Variants in RARG observed in about 807,000 individuals in gnomAD.
RARG encodes the protein RAR-gamma.
RARG carries 17 observed loss-of-function variants against 43.7 expected under a neutral mutation model. The ratio of observed to expected loss-of-function variants is 0.39; its 90% CI spans 0.27 to 0.58. The LOEUF (loss-of-function observed/expected upper bound fraction) is 0.58. Ranked by LOEUF, RARG falls within the 20% of genes least tolerant of loss-of-function variation. The probability of loss-of-function intolerance (pLI) is 0.57; values close to 1 mark genes in which losing one functional copy is unlikely to be tolerated. For missense variants in RARG, 346 were observed against 598.7 expected (o/e 0.58, Z 4.40); for synonymous variants, 238 against 236.4 (o/e 1.01, Z -0.06).
intron 3 of RARG, among the ~76,000 whole-genome samples, chr12:53,225,814 G>A (rs147280006): frequency 0.011 from 1,653 of 152,306 alleles, 17 homozygotes; most frequent in South Asian, 0.04. Flanking sequence ...CTTGGCTGCT[G>A]TCAGCACTCA....
At chr12:53,222,669 G>A (rs1032047697) in intron 3 of RARG, among the ~76,000 whole-genome samples, 1 of 152,126 alleles carries the variant, frequency 6.6e-6, no homozygotes, top group Non-Finnish European at 1.5e-5. Flanking sequence ...CCCAGGCATT[G>A]CATGGAGGGG....
chr12:53,219,047 G>A (rs921399334), intron 3 of RARG, among the ~76,000 whole-genome samples: 1 of 152,140 alleles, frequency 6.6e-6, no homozygotes, highest in Non-Finnish European at 1.5e-5. Context: ...CTCTGGAAAG[G>A]GGTTCCAGGG....
At chr12:53,212,399 T>C (rs929380025) in intron 9 of RARG, among the ~76,000 whole-genome samples, 15 of 152,202 alleles carry the variant, frequency 9.9e-5, no homozygotes, top group Non-Finnish European at 2.2e-4. Context: ...CTAAGTACAC[T>C]GTATATGTTA....
chr12:53,211,040 A>ATCCC lies in RARG; in HGVS notation c.*635_*636insGGGA, dbSNP rs1942574505. The ATCCC allele has an allele frequency of 2.0e-5, 3 of 152,556 alleles. No homozygotes were observed. Among genetic ancestry groups the ATCCC allele is most frequent in the Admixed American group, 6.6e-5 (1 of 15,254 alleles). 9.5% of individuals were successfully genotyped at this position (152,556 alleles called of 1,614,324 possible). A position where few individuals can be genotyped will look rare whatever the true frequency, so the allele number is the denominator to read the frequency against. The stretch of plus-strand genomic sequence containing the variant: ...GGCACATGACAGGGCTGGGGGAGGG[A>ATCCC]CTTATAACGGAGGGCACAGGGTGAA... On this transcript the variant is annotated 3_prime_UTR_variant, in exon 10 of 10. Coordinates refer to ENST00000425354, the MANE Select transcript of RARG (RefSeq NM_000966.6). This position sits in a 1 kb window ranked among gnomAD's most constrained non-coding sequence, Gnocchi z 4.6.
chr12:53,211,633 C>T lies in RARG; in HGVS notation c.*43G>A, dbSNP rs1245003329. ...GGTCTGGGAGATGGTCAGTCTGCTG[C>T]CTGAAGCCCCAACCCCCACAGCGGG... is the stretch of plus-strand genomic sequence containing the variant. On this transcript the variant is annotated 3_prime_UTR_variant, in exon 10 of 10. Transcript: ENST00000425354. The surrounding 1 kb of genome is among the most constrained non-coding windows in gnomAD (Gnocchi z 4.6). 2 of 1,387,386 alleles carry T rather than the reference C, an allele frequency of 1.4e-6. No homozygotes were observed. The highest frequency in any genetic ancestry group is 6.6e-5 in the Admixed American group (2 of 30,468). 85.9% of individuals were successfully genotyped at this position (1,387,386 alleles called of 1,614,324 possible).
rs746842962 is a variant in RARG, at chr12:53,213,749, GAA to G, written c.814-51_814-50del. 6.6e-7 allele frequency: 1 copy of G among 1,515,856 alleles called. No individual in the cohort carries two copies. The highest frequency in any genetic ancestry group is 9.1e-7 in the Non-Finnish European group (1 of 1,098,254). The allele number at this position is 1,515,856 out of a possible 1,614,324, so 93.9% of individuals were successfully genotyped here. A position where few individuals can be genotyped will look rare whatever the true frequency, so the allele number is the denominator to read the frequency against. ...GTTAGTGCTGTTTCTGGGGGATGGG[GAA>G]AAGAGGGAATGAGTGGAAAGTGAGG... On this transcript the variant is annotated intron_variant, in intron 7 of 9. Coordinates refer to ENST00000425354, the MANE Select transcript of RARG (RefSeq NM_000966.6). The surrounding 1 kb of genome is among the most constrained non-coding windows in gnomAD (Gnocchi z 4.7).
chr12:53,214,706 T>C (rs1014698398), intron 5 of RARG, 100 bp from the exon 6 acceptor site: 19 of 1,228,646 alleles, frequency 1.5e-5, no homozygotes, highest in Non-Finnish European at 2.1e-5. Context: ...TTATCATGAA[T>C]ATCTATTCTC....
chr12:53,211,746 TG>T lies in RARG; in HGVS notation c.1294del (p.His432ThrfsTer19). The T allele has an allele frequency of 6.4e-7, 1 of 1,567,164 alleles. No homozygotes were observed. Among genetic ancestry groups the T allele is most frequent in the Non-Finnish European group, 8.6e-7 (1 of 1,157,574 alleles). On this transcript the variant is annotated frameshift_variant, in exon 10 of 10. Transcript: ENST00000425354. LOFTEE classifies it high-confidence loss of function. The surrounding 1 kb of genome is among the most constrained non-coding windows in gnomAD (Gnocchi z 4.6). ...CTCATCCTCGCTAGAGGCATTGGGG[TG>T]GGGACCAGGCTGCGAGGAGTCATCC... ...FEDDSSQPGP[H>X]PNASSEDEVP...
Position 53,227,326 on chromosome 12 carries a change from C to A in RARG, c.184+36G>T. The A allele has an allele frequency of 6.7e-7, 1 of 1,493,250 alleles. No individual in the cohort carries two copies. Among genetic ancestry groups the A allele is most frequent in the African/African-American group, 1.4e-5 (1 of 70,370 alleles). The allele number at this position is 1,493,250 out of a possible 1,614,324, so 92.5% of individuals were successfully genotyped here. A position where few individuals can be genotyped will look rare whatever the true frequency, so the allele number is the denominator to read the frequency against. On this transcript the variant is annotated intron_variant, in intron 3 of 9. Transcript: ENST00000425354. The surrounding 1 kb of genome is among the most constrained non-coding windows in gnomAD (Gnocchi z 4.3). Reference sequence around the variant, plus strand: ...CACCCTCCTGATGCCTTCTTGTTAACATTTGCCTTCATTCCCCAAGATCCC... The same window carrying A: ...CACCCTCCTGATGCCTTCTTGTTAAAATTTGCCTTCATTCCCCAAGATCCC...
At position 53,227,318 on chromosome 12, in the gene RARG, C is replaced by T. The variant is rs781321312; in HGVS notation, c.184+44G>A. On this transcript the variant is annotated intron_variant, in intron 3 of 9. Coordinates refer to ENST00000425354, the MANE Select transcript of RARG (RefSeq NM_000966.6). The surrounding 1 kb of genome is among the most constrained non-coding windows in gnomAD (Gnocchi z 4.3). Reference sequence around the variant, plus strand: ...TTACCATCCACCCTCCTGATGCCTTCTTGTTAACATTTGCCTTCATTCCCC... The same window carrying T: ...TTACCATCCACCCTCCTGATGCCTTTTTGTTAACATTTGCCTTCATTCCCC... The T allele has an allele frequency of 6.7e-7, 1 of 1,487,066 alleles. No homozygotes were observed. The highest frequency in any genetic ancestry group is 9.0e-7 in the Non-Finnish European group (1 of 1,113,888). 92.1% of individuals were successfully genotyped at this position (1,487,066 alleles called of 1,614,324 possible).
intron 3 of RARG, among the ~76,000 whole-genome samples, chr12:53,226,533 C>T (rs1943110556): frequency 6.6e-6 from 1 of 152,096 alleles, no homozygotes; most frequent in Non-Finnish European, 1.5e-5. Context: ...CTATGTTGGT[C>T]AGGCTGGTCT....
At position 53,227,109 on chromosome 12, in the gene RARG, C is replaced by G. The variant is rs1298434124; in HGVS notation, c.184+253G>C. On this transcript the variant is annotated intron_variant, in intron 3 of 9. Coordinates refer to ENST00000425354, the MANE Select transcript of RARG (RefSeq NM_000966.6). This position sits in a 1 kb window ranked among gnomAD's most constrained non-coding sequence, Gnocchi z 4.3. ...GAGGCAGTTTTAGATACCCACCCCC[C>G]AAGTTTTAGGCCTGCTACCTCCCTA... Among the ~76,000 whole-genome samples the G allele has an allele frequency of 2.7e-5, 4 of 150,916 alleles. No individual in the cohort carries two copies. Among genetic ancestry groups the G allele is most frequent in the Non-Finnish European group, 5.9e-5 (4 of 67,998 alleles).
intron 2 of RARG, among the ~76,000 whole-genome samples, chr12:53,228,805 C>T (rs577145974): frequency 5.9e-5 from 9 of 152,182 alleles, no homozygotes; most frequent in South Asian, 2.1e-4. Context: ...AACTCCCAAC[C>T]TCAGATGATC....
At chr12:53,219,958 C>T in intron 3 of RARG, 1 of 1,514,192 alleles carries the variant, frequency 6.6e-7, no homozygotes, top group South Asian at 1.3e-5. Flanking sequence ...ACATTGCAGG[C>T]TGGCGGGTTG....
At position 53,214,241 on chromosome 12, in the gene RARG, G is replaced by A; in HGVS notation, c.637-6C>T. ...CGGTGGTCTGCACTGGAGTTCTGCA[G>A]AGGGGAGGGGTAGAAGGTTGGAAGG... On this transcript the variant is annotated splice_polypyrimidine_tract_variant and splice_region_variant and intron_variant, in intron 6 of 9. Transcript: ENST00000425354. 1 of 1,611,442 alleles carries A rather than the reference G, an allele frequency of 6.2e-7. No homozygotes were observed. Among genetic ancestry groups the A allele is most frequent in the Middle Eastern group, 1.7e-4 (1 of 5,976 alleles).
At position 53,211,487 on chromosome 12, in the gene RARG, G is replaced by A. The variant is rs1287855057; in HGVS notation, c.*189C>T. 2 of 496,584 alleles carry A rather than the reference G, an allele frequency of 4.0e-6. No homozygotes were observed. The highest frequency in any genetic ancestry group is 6.7e-6 in the Non-Finnish European group (2 of 298,364). The allele number at this position is 496,584 out of a possible 1,614,324, so 30.8% of individuals were successfully genotyped here. A position where few individuals can be genotyped will look rare whatever the true frequency, so the allele number is the denominator to read the frequency against. On this transcript the variant is annotated 3_prime_UTR_variant, in exon 10 of 10. Coordinates refer to ENST00000425354, the MANE Select transcript of RARG (RefSeq NM_000966.6). The surrounding 1 kb of genome is among the most constrained non-coding windows in gnomAD (Gnocchi z 4.6). ...AGGGCAGGCCCCCGGGACTGGCGAG[G>A]GAGCCGGTTAGATCAGGAAGGGGAT...
At chr12:53,217,955 C>T (rs1354321654) in intron 3 of RARG, among the ~76,000 whole-genome samples, 1 of 152,164 alleles carries the variant, frequency 6.6e-6, no homozygotes, top group African/African-American at 2.4e-5. Flanking sequence ...AGGTTAACAA[C>T]ACATAAGGCA....
chr12:53,219,852 G>T, intron 3 of RARG: 1 of 1,172,902 alleles, frequency 8.5e-7, no homozygotes, highest in Non-Finnish European at 1.2e-6. Context: ...AGGGCCAGAA[G>T]CTCCTCCTTG....
At chr12:53,217,464 G>A (rs1208053336) in intron 3 of RARG, among the ~76,000 whole-genome samples, 1 of 152,218 alleles carries the variant, frequency 6.6e-6, no homozygotes, top group Admixed American at 6.5e-5. Context: ...TCTTGCGCAA[G>A]GGCCTGGGTG....
Sources: gnomAD v4.1 joint callset for allele counts (sites outside exome capture counted in the v4.1 genomes callset) on GRCh38, gnomAD v4.1.1 for gene constraint, Gnocchi (gnomAD v3.1) non-coding constraint, MANE v1.5 for transcripts, NCBI Gene and HGNC (gene_info 2026-07-23, HGNC 2026-07-21) for gene names.